Variants in HTR1E observed in about 807,000 individuals in gnomAD.
HTR1E encodes the protein 5-hydroxytryptamine receptor 1E, also known as 5-HT-1E.
Under a neutral mutation model 3.4 loss-of-function variants are expected in HTR1E, and 3 were observed. That is an observed-to-expected ratio of 0.89 (90% CI 0.41 to 2.31). The LOEUF (loss-of-function observed/expected upper bound fraction) is 2.31, where lower values mean the gene tolerates loss of function less well. Ranked by LOEUF, HTR1E falls within the 30% of genes most tolerant of loss-of-function variation. HTR1E has a pLI of 0.05. For missense variants in HTR1E, 392 were observed against 467.0 expected, an observed-to-expected ratio of 0.84 and a Z score of 1.48; for synonymous variants, 170 against 182.8, an observed-to-expected ratio of 0.93 and a Z score of 0.56.
intron 1 of HTR1E, among the ~76,000 whole-genome samples, chr6:86,972,754 A>G (rs1025156663): frequency 1.3e-5 from 2 of 152,188 alleles, no homozygotes; most frequent in South Asian, 2.1e-4. Flanking sequence ...ATGAGTGTGT[A>G]TGCGAGTTGG....
chr6:87,010,999 T>C (rs1175512918), intron 1 of HTR1E, among the ~76,000 whole-genome samples: 1 of 152,256 alleles, frequency 6.6e-6, no homozygotes, highest in African/African-American at 2.4e-5. Flanking sequence ...GTTTAACATG[T>C]TTCTTGATTC....
intron 1 of HTR1E, among the ~76,000 whole-genome samples, chr6:86,987,935 C>T (rs145416587): frequency 6.6e-6 from 1 of 152,168 alleles, no homozygotes; most frequent in African/African-American, 2.4e-5. Context: ...AGTACTAACA[C>T]ATTGGCAACA....
intron 1 of HTR1E, among the ~76,000 whole-genome samples, chr6:86,970,101 C>T (rs16878093): frequency 0.15 from 23,538 of 152,130 alleles, 2,103 homozygotes; most frequent in East Asian, 0.29. Context: ...TTCTAGAAAA[C>T]GACTGCAACT....
chr6:86,998,969 G>A (rs967181196), intron 1 of HTR1E, among the ~76,000 whole-genome samples: 1 of 151,934 alleles, frequency 6.6e-6, no homozygotes, highest in African/African-American at 2.4e-5. Context: ...TCACTTATTT[G>A]TTTATTTTCA....
chr6:86,957,218 T>C (rs1000178031), intron 1 of HTR1E, among the ~76,000 whole-genome samples: 12 of 152,222 alleles, frequency 7.9e-5, no homozygotes, highest in Admixed American at 7.9e-4. Context: ...TTGCTGGCAT[T>C]TGTGAGACTT....
intron 1 of HTR1E, among the ~76,000 whole-genome samples, chr6:87,004,990 T>C (rs994807005): frequency 6.6e-6 from 1 of 151,972 alleles, no homozygotes; most frequent in African/African-American, 2.4e-5. Context: ...CTATTAACAA[T>C]TGCTACAAAT....
intron 1 of HTR1E, among the ~76,000 whole-genome samples, chr6:86,976,712 G>A (rs1204880470): frequency 3.9e-5 from 6 of 152,134 alleles, no homozygotes; most frequent in African/African-American, 1.2e-4. Context: ...ATTTCATCAC[G>A]TCAATGTGTC....
At chr6:86,946,692 A>T (rs1768620892) in intron 1 of HTR1E, among the ~76,000 whole-genome samples, 1 of 152,212 alleles carries the variant, frequency 6.6e-6, no homozygotes, top group Non-Finnish European at 1.5e-5. Flanking sequence ...TTTTAAGTGT[A>T]TGTATCAAAT....
At chr6:86,975,225 A>C (rs1179006626) in intron 1 of HTR1E, among the ~76,000 whole-genome samples, 1 of 152,242 alleles carries the variant, frequency 6.6e-6, no homozygotes, top group Non-Finnish European at 1.5e-5. Flanking sequence ...TTCCAACTCC[A>C]TTGAGTTTAT....
rs138802805 is a variant in HTR1E, at chr6:87,014,501, G to A, written c.-185-649G>A. Among the ~76,000 whole-genome samples the A allele has an allele frequency of 7.2e-4, 110 of 152,156 alleles. 1 individual carries two copies. Among genetic ancestry groups the A allele is most frequent in the African/African-American group, 2.6e-3 (107 of 41,516 alleles). On this transcript the variant is annotated intron_variant, in intron 1 of 1. Transcript: ENST00000305344. Reference sequence around the variant, plus strand: ...AAATTATTCTACTCTAAAGACACATGGACATGTATGTTTATTGCAGCACTA... The same window carrying A: ...AAATTATTCTACTCTAAAGACACATAGACATGTATGTTTATTGCAGCACTA...
rs892423274 is a variant in HTR1E at position 87,009,067 on chromosome 6, T to A, written c.-185-6083T>A. Among the ~76,000 whole-genome samples the A allele has an allele frequency of 1.2e-4, 18 of 151,178 alleles. 1 individual carries two copies. Among genetic ancestry groups the A allele is most frequent in the African/African-American group, 3.4e-4 (14 of 41,126 alleles). On this transcript the variant is annotated intron_variant, in intron 1 of 1. Coordinates refer to ENST00000305344, the MANE Select transcript of HTR1E (RefSeq NM_000865.3). ...CACACTTCTTTTTATTTTTTTTTTT[T>A]AATTTATTTTTTTATTGATAATTCT...
chr6:86,992,573 G>A lies in HTR1E; in HGVS notation c.-185-22577G>A, dbSNP rs566883801. Among the ~76,000 whole-genome samples the A allele has an allele frequency of 3.9e-5, 6 of 152,222 alleles. No homozygotes were observed. The South Asian group carries it at 8.3e-4, about 21-fold the overall frequency. On this transcript the variant is annotated intron_variant, in intron 1 of 1. Coordinates refer to ENST00000305344, the MANE Select transcript of HTR1E (RefSeq NM_000865.3). The stretch of plus-strand genomic sequence containing the variant: ...AGGGATGGACTAAACATTCAAAGAC[G>A]CAAACACGAGTAAATACTTCAGAGT...
intron 1 of HTR1E, among the ~76,000 whole-genome samples, chr6:86,995,327 G>T (rs117385083): frequency 0.027 from 3,446 of 125,670 alleles, 67 homozygotes; most frequent in Middle Eastern, 0.054. Flanking sequence ...AATAAATAAA[G>T]GTCTACATAC....
Position 87,016,176 on chromosome 6 carries a change from T to C in HTR1E, c.842T>C (p.Ile281Thr). The C allele has an allele frequency of 6.2e-7, 1 of 1,614,110 alleles. No homozygotes were observed. The highest frequency in any genetic ancestry group is 1.1e-5 in the South Asian group (1 of 91,070). Residue 281 changes from isoleucine (I) to threonine (T), a missense_variant, in exon 2 of 2, where the codon ATC becomes ACC. By Grantham distance (89) the Ile-to-Thr change is moderately conservative (BLOSUM62 -1). Transcript: ENST00000305344. ...DLDHPGERQQ[I>T]SSTRERKAAR... Reference sequence around the variant, plus strand: ...GATCACCCAGGAGAACGTCAGCAGATCTCTAGCACCAGGGAACGGAAGGCA... The same window carrying C: ...GATCACCCAGGAGAACGTCAGCAGACCTCTAGCACCAGGGAACGGAAGGCA...
chr6:86,938,895 T>C (rs1369121419), intron 1 of HTR1E, among the ~76,000 whole-genome samples: 2 of 152,234 alleles, frequency 1.3e-5, no homozygotes, highest in East Asian at 1.9e-4. Flanking sequence ...TTTATCATAG[T>C]TGTACATTCA....
chr6:86,941,259 T>A (rs1209741324), intron 1 of HTR1E, among the ~76,000 whole-genome samples: 2 of 152,226 alleles, frequency 1.3e-5, no homozygotes, highest in Non-Finnish European at 2.9e-5. Context: ...GAACCAGAAT[T>A]TATAGAGATC....
At chr6:86,968,069 G>T (rs1367441177) in intron 1 of HTR1E, among the ~76,000 whole-genome samples, 1 of 152,158 alleles carries the variant, frequency 6.6e-6, no homozygotes, top group Non-Finnish European at 1.5e-5. Flanking sequence ...TACACATGTG[G>T]TATCACACTA....
chr6:86,983,289 G>C (rs948358516), intron 1 of HTR1E, among the ~76,000 whole-genome samples: 1 of 151,696 alleles, frequency 6.6e-6, no homozygotes, highest in African/African-American at 2.4e-5. Context: ...TTTAAGAGTT[G>C]CTAAGTTAGA....
intron 1 of HTR1E, among the ~76,000 whole-genome samples, chr6:86,986,549 G>GT (rs1158360919): frequency 4.6e-5 from 7 of 152,080 alleles, no homozygotes; most frequent in African/African-American, 1.7e-4. Flanking sequence ...CTAATCAGTC[G>GT]TAACTTTCTT....
Sources: gnomAD v4.1 joint callset for allele counts (sites outside exome capture counted in the v4.1 genomes callset) on GRCh38, gnomAD v4.1.1 for gene constraint, MANE v1.5 for transcripts, NCBI Gene and HGNC (gene_info 2026-07-23, HGNC 2026-07-21) for gene names.